The following COL23A1 variants were observed in gnomAD, a reference collection of about 807,000 sequenced individuals.
The protein encoded by COL23A1 is collagen alpha-1(XXIII) chain.
Under a neutral mutation model 99.3 loss-of-function variants are expected in COL23A1, and 97 were observed. The ratio of observed to expected loss-of-function variants is 0.98; its 90% CI spans 0.83 to 1.16. The LOEUF (loss-of-function observed/expected upper bound fraction) is 1.16. Among genes scored for constraint, COL23A1 ranks in the 50% most tolerant of loss-of-function variants. The probability of loss-of-function intolerance (pLI) is 0.00; values close to 1 mark genes in which losing one functional copy is unlikely to be tolerated. For synonymous variants in COL23A1, 320 were observed against 308.2 expected (o/e 1.04, Z -0.40); for missense variants, 762 against 757.4 (o/e 1.01, Z -0.07).
chr5:178,491,292 G>A (rs1230586932), intron 2 of COL23A1, among the ~76,000 whole-genome samples: 4 of 151,992 alleles, frequency 2.6e-5, no homozygotes, highest in South Asian at 2.1e-4. Flanking sequence ...CTAATTACAC[G>A]GTCTAAGCTG....
chr5:178,413,268 G>C (rs1040653147), intron 2 of COL23A1, among the ~76,000 whole-genome samples: 2 of 152,090 alleles, frequency 1.3e-5, no homozygotes, highest in Admixed American at 1.3e-4. Context: ...TTTTGCTTTT[G>C]GATAATTTGC....
chr5:178,397,784 T>C (rs190818699), intron 2 of COL23A1, among the ~76,000 whole-genome samples: 155 of 152,142 alleles, frequency 1.0e-3, no homozygotes, highest in Non-Finnish European at 1.6e-3. Flanking sequence ...GTCAAGAGAT[T>C]GAGACCATCC....
chr5:178,416,523 G>A (rs551736843), intron 2 of COL23A1, among the ~76,000 whole-genome samples: 8 of 152,210 alleles, frequency 5.3e-5, no homozygotes, highest in African/African-American at 9.6e-5. Flanking sequence ...AGGATGATAC[G>A]GAGGGGTTAG....
intron 2 of COL23A1, among the ~76,000 whole-genome samples, chr5:178,502,332 C>A (rs572781872): frequency 1.3e-5 from 2 of 152,292 alleles, no homozygotes; most frequent in East Asian, 1.9e-4. Context: ...GGGGTTTCAC[C>A]ATGTTAGCCA....
At chr5:178,369,436 C>G (rs993479399) in intron 2 of COL23A1, among the ~76,000 whole-genome samples, 23 of 152,314 alleles carry the variant, frequency 1.5e-4, no homozygotes, top group Middle Eastern at 3.4e-3. Context: ...GCTTCATCTT[C>G]AAGTCTTTTC....
intron 2 of COL23A1, among the ~76,000 whole-genome samples, chr5:178,409,281 C>T (rs1764941687): frequency 6.6e-6 from 1 of 152,184 alleles, no homozygotes; most frequent in South Asian, 2.1e-4. Context: ...ATCTCAAGGG[C>T]ATCATGCTGA....
At chr5:178,316,951 C>A (rs142634403) in intron 2 of COL23A1, among the ~76,000 whole-genome samples, 1 of 151,958 alleles carries the variant, frequency 6.6e-6, no homozygotes, top group African/African-American at 2.4e-5. Flanking sequence ...CCACTCTGGT[C>A]GGCTTATTCT....
chr5:178,496,354 G>C (rs772344386), intron 2 of COL23A1, among the ~76,000 whole-genome samples: 1 of 152,150 alleles, frequency 6.6e-6, no homozygotes, highest in Non-Finnish European at 1.5e-5. Context: ...CTCCAGTTCA[G>C]AACAGTCTGG....
At position 178,544,052 on chromosome 5, in the gene COL23A1, C is replaced by T. The variant is rs1355003783; in HGVS notation, c.361+16630G>A. Among the ~76,000 whole-genome samples, 2 of 152,130 alleles carry T rather than the reference C, an allele frequency of 1.3e-5. No individual in the cohort carries two copies. Among genetic ancestry groups the T allele is most frequent in the African/African-American group, 4.8e-5 (2 of 41,402 alleles). ...TCATACCCTAATCACCTCCTAACAC[C>T]ATTACCTTGGAGATTAGGATTTCAA... On this transcript the variant is annotated intron_variant, in intron 2 of 28. Coordinates refer to ENST00000390654, the MANE Select transcript of COL23A1 (RefSeq NM_173465.4). This position sits in a 1 kb window ranked among gnomAD's most constrained non-coding sequence, Gnocchi z 4.4.
intron 1 of COL23A1, among the ~76,000 whole-genome samples, chr5:178,567,692 C>A (rs1226714306): frequency 2.0e-5 from 3 of 152,210 alleles, no homozygotes; most frequent in Non-Finnish European, 4.4e-5. Context: ...GATTGTGCCA[C>A]TGCACTCCAG....
rs1480435244 is a variant in COL23A1, at chr5:178,307,375, C to T, written c.362-456G>A. Among the ~76,000 whole-genome samples, 3 of 152,236 alleles carry T rather than the reference C, an allele frequency of 2.0e-5. No individual in the cohort carries two copies. In the East Asian group the frequency reaches 5.8e-4, roughly 29 times the overall value. ...CAACAAAGCCAACACAACAAAGAGGCCATCACGGCCGCGCAGCGCCGAAAT... is the reference window on the plus strand; with the variant it reads ...CAACAAAGCCAACACAACAAAGAGGTCATCACGGCCGCGCAGCGCCGAAAT... On this transcript the variant is annotated intron_variant, in intron 2 of 28. Transcript: ENST00000390654. The surrounding 1 kb of genome is among the most constrained non-coding windows in gnomAD (Gnocchi z 4.2).
intron 2 of COL23A1, among the ~76,000 whole-genome samples, chr5:178,329,952 A>G (rs960522812): frequency 1.2e-4 from 17 of 142,404 alleles, no homozygotes; most frequent in African/African-American, 4.4e-4. Context: ...AAAAAAAAAA[A>G]GAAGAAAGAA....
chr5:178,245,837 TG>T, intron 25 of COL23A1, 104 bp downstream of exon 25: 1 of 1,352,874 alleles, frequency 7.4e-7, no homozygotes. Context: ...GTCCCAGCCC[TG>T]GGGAAAGGGG....
chr5:178,357,395 G>A (rs1344381297), intron 2 of COL23A1, among the ~76,000 whole-genome samples: 9 of 152,254 alleles, frequency 5.9e-5, no homozygotes, highest in Non-Finnish European at 1.2e-4. Context: ...GGGCCGCACA[G>A]CCTCGACTCA....
intron 2 of COL23A1, among the ~76,000 whole-genome samples, chr5:178,353,939 T>TAA (rs74274474): frequency 7.0e-6 from 1 of 142,600 alleles, no homozygotes; most frequent in East Asian, 2.1e-4. Flanking sequence ...ACCGTTGAGT[T>TAA]AAAAAAAAAA....
chr5:178,550,010 C>T (rs1761919408), intron 2 of COL23A1, among the ~76,000 whole-genome samples: 1 of 152,084 alleles, frequency 6.6e-6, no homozygotes, highest in African/African-American at 2.4e-5. Context: ...AAGAAAGGAT[C>T]TGGTTGGGCA....
chr5:178,309,957 G>T lies in COL23A1; in HGVS notation c.362-3038C>A, dbSNP rs2127609528. ...AGGAAGGGCGGGGGGGAGAGGGAGGGAGGGAGAAGGGGACAGGCAGGGAGG... is the reference window on the plus strand; with the variant it reads ...AGGAAGGGCGGGGGGGAGAGGGAGGTAGGGAGAAGGGGACAGGCAGGGAGG... On this transcript the variant is annotated intron_variant, in intron 2 of 28. Transcript: ENST00000390654. This position sits in a 1 kb window ranked among gnomAD's most constrained non-coding sequence, Gnocchi z 4.7. Among the ~76,000 whole-genome samples the T allele has an allele frequency of 6.6e-6, 1 of 151,420 alleles. No individual in the cohort carries two copies. The highest frequency in any genetic ancestry group is 2.1e-4 in the South Asian group (1 of 4,760).
intron 2 of COL23A1, among the ~76,000 whole-genome samples, chr5:178,528,789 A>C (rs1760474102): frequency 1.3e-5 from 2 of 152,230 alleles, no homozygotes; most frequent in South Asian, 4.1e-4. Flanking sequence ...CAGCCTGGGC[A>C]ACAAGAGTGA....
intron 9 of COL23A1, among the ~76,000 whole-genome samples, chr5:178,262,479 G>A (rs116650401): frequency 3.3e-3 from 502 of 152,344 alleles, no homozygotes; most frequent in Middle Eastern, 0.01. Flanking sequence ...CTGAGCAGCT[G>A]TCCTGGGGGA....
Sources: allele counts gnomAD v4.1 joint callset (sites outside exome capture counted in the v4.1 genomes callset), GRCh38; gene constraint gnomAD v4.1.1; non-coding constraint Gnocchi (gnomAD v3.1); transcripts MANE v1.5; gene names NCBI Gene and HGNC (gene_info 2026-07-23, HGNC 2026-07-21).